The following IPO7 variants were observed in gnomAD, a reference collection of about 807,000 sequenced individuals.
IPO7 encodes the protein importin-7.
Under a neutral mutation model 136.4 loss-of-function variants are expected in IPO7, and 13 were observed. That is an observed-to-expected ratio of 0.10 (90% confidence interval 0.06 to 0.15). The LOEUF is 0.15. Ranked by LOEUF, IPO7 falls within the 10% of genes least tolerant of loss-of-function variation. The pLI is 1.00. For synonymous variants in IPO7, 403 were observed against 404.4 expected (o/e 1.00, Z 0.04); for missense variants, 857 against 1,240.6 (o/e 0.69, Z 4.65).
intron 2 of IPO7, among the ~76,000 whole-genome samples, chr11:9,405,741 A>G (rs12276823): frequency 6.6e-6 from 1 of 152,204 alleles, no homozygotes; most frequent in Non-Finnish European, 1.5e-5. Flanking sequence ...TTTAAAAGCA[A>G]ACAATTTTAT....
At chr11:9,403,435 G>T (rs1854830125) in intron 2 of IPO7, 64 bp downstream of exon 2, 5 of 1,309,286 alleles carry the variant, frequency 3.8e-6, no homozygotes, top group Non-Finnish European at 5.5e-6. Flanking sequence ...TAATCGAATA[G>T]CAGAAGTGTC....
intron 20 of IPO7, among the ~76,000 whole-genome samples, chr11:9,437,248 ATTTT>A (rs1253984653): frequency 6.7e-6 from 1 of 149,194 alleles, no homozygotes; most frequent in Non-Finnish European, 1.5e-5. Flanking sequence ...GCTTTTATTT[ATTTT>A]TTATTTATTT....
At chr11:9,421,086 C>G (rs565223174) in intron 8 of IPO7, among the ~76,000 whole-genome samples, 70 of 152,012 alleles carry the variant, frequency 4.6e-4, no homozygotes, top group African/African-American at 1.6e-3. Flanking sequence ...ATCAGCCTCC[C>G]GAGTAGCTGG....
At chr11:9,389,485 A>G (rs769075585) in intron 1 of IPO7, among the ~76,000 whole-genome samples, 10 of 152,216 alleles carry the variant, frequency 6.6e-5, no homozygotes, top group Non-Finnish European at 1.0e-4. Context: ...GAAATTTATG[A>G]TCACTGCCTT....
chr11:9,442,049 G>T (rs1254902361), intron 23 of IPO7, 32 bp from the exon 24 acceptor site: 1 of 1,046,610 alleles, frequency 9.6e-7, no homozygotes, highest in South Asian at 1.3e-5. Context: ...TCTTATTCAT[G>T]TTGTTTTTCC....
chr11:9,399,034 G>A (rs936794551), intron 1 of IPO7, among the ~76,000 whole-genome samples: 3 of 152,130 alleles, frequency 2.0e-5, no homozygotes, highest in Non-Finnish European at 4.4e-5. Context: ...TTGCTTAAAG[G>A]GGATTGATTT....
At chr11:9,440,782 A>C (rs762611798) in intron 23 of IPO7, 121 bp downstream of exon 23, 23 of 685,638 alleles carry the variant, frequency 3.4e-5, no homozygotes, top group Admixed American at 1.8e-4. Context: ...CTGGTTAGGC[A>C]AAGTAACCAA....
chr11:9,444,682 A>G (rs1855503953), intron 24 of IPO7, among the ~76,000 whole-genome samples: 1 of 151,974 alleles, frequency 6.6e-6, no homozygotes, highest in Admixed American at 6.6e-5. Context: ...AAAAATACAA[A>G]AAATTACCCG....
chr11:9,411,218 G>A (rs1344175636), intron 4 of IPO7, among the ~76,000 whole-genome samples: 1 of 152,194 alleles, frequency 6.6e-6, no homozygotes, highest in Non-Finnish European at 1.5e-5. Context: ...GGAGATACAG[G>A]AGGCTGCTAC....
intron 12 of IPO7, among the ~76,000 whole-genome samples, chr11:9,427,095 C>T (rs1450873757): frequency 1.3e-5 from 2 of 152,166 alleles, no homozygotes; most frequent in African/African-American, 2.4e-5. Context: ...GGTGATCCGC[C>T]TGCCTCAGCC....
chr11:9,412,912 A>G (rs1272478664), intron 4 of IPO7, among the ~76,000 whole-genome samples: 3 of 137,680 alleles, frequency 2.2e-5, no homozygotes, highest in African/African-American at 8.3e-5. Context: ...TTTTTTTGAG[A>G]CGGAGTCTCT....
chr11:9,427,912 A>C (rs1205273647), intron 12 of IPO7, among the ~76,000 whole-genome samples: 1 of 152,210 alleles, frequency 6.6e-6, no homozygotes, highest in Non-Finnish European at 1.5e-5. Context: ...GTAAGTGTTG[A>C]TATATAAGTG....
chr11:9,427,271 G>A (rs191075675), intron 12 of IPO7, among the ~76,000 whole-genome samples: 2 of 151,962 alleles, frequency 1.3e-5, no homozygotes, highest in South Asian at 2.1e-4. Context: ...TTATCTTTTC[G>A]TTTTTTGGAA....
In IPO7 at chr11:9,437,863, A is replaced by G. The variant is rs1453588408; in HGVS notation, c.2378A>G (p.Asn793Ser). 2 of 1,613,654 alleles carry G rather than the reference A, an allele frequency of 1.2e-6. No individual in the cohort carries two copies. Among genetic ancestry groups the G allele is most frequent in the Non-Finnish European group, 1.7e-6 (2 of 1,179,716 alleles). ...LQVAIAALYY[N>S]PHLLLNTLEN... is the part of the protein sequence containing the mutation. ...GTTGCAATTGCAGCTTTGTATTATA[A>G]TCCACACCTACTACTCAATACCTTA... The change falls in exon 21 of 25, where the codon AAT (asparagine) becomes AGT (serine). Residue 793 changes from asparagine to serine, a missense_variant. This residue lies in a region of IPO7 where 190 missense variants were observed against 249.0 expected (regional missense o/e 0.76). Coordinates refer to ENST00000379719, the MANE Select transcript of IPO7 (RefSeq NM_006391.3).
intron 4 of IPO7, among the ~76,000 whole-genome samples, chr11:9,412,209 A>G (rs1472816644): frequency 2.0e-5 from 3 of 152,218 alleles, no homozygotes; most frequent in South Asian, 2.1e-4. Context: ...TGTTAATGTG[A>G]ACATTCCTTT....
At chr11:9,402,554 T>C (rs1021769095) in intron 1 of IPO7, among the ~76,000 whole-genome samples, 3 of 151,044 alleles carry the variant, frequency 2.0e-5, no homozygotes, top group Admixed American at 2.0e-4. Flanking sequence ...AAACCCCGAC[T>C]CTAGTAAAAA....
At chr11:9,420,789 G>T in intron 8 of IPO7, 91 bp downstream of exon 8, 1 of 884,220 alleles carries the variant, frequency 1.1e-6, no homozygotes, top group Non-Finnish European at 1.8e-6. Context: ...GACATCTAAA[G>T]AGTGCCTGTT....
At chr11:9,429,906 C>T in intron 15 of IPO7, 72 bp downstream of exon 15, 1 of 1,150,512 alleles carries the variant, frequency 8.7e-7, no homozygotes, top group Non-Finnish European at 1.2e-6. Context: ...GTTGTGTCAC[C>T]AGTGGCTTGC....
intron 22 of IPO7, 69 bp from the exon 23 acceptor site, chr11:9,440,386 A>T: frequency 8.1e-7 from 1 of 1,240,128 alleles, no homozygotes; most frequent in Middle Eastern, 1.9e-4. Flanking sequence ...AGTGATTGAG[A>T]TGATTGTCAA....
Sources: allele counts gnomAD v4.1 joint callset (sites outside exome capture counted in the v4.1 genomes callset), GRCh38; gene constraint gnomAD v4.1.1; regional missense constraint gnomAD v4.1.1; transcripts MANE v1.5; gene names NCBI Gene and HGNC (gene_info 2026-07-23, HGNC 2026-07-21).